The following SMN2 variants were observed in gnomAD, a reference collection of about 807,000 sequenced individuals.
SMN2 encodes survival of motor neuron 2, centromeric, also known as survival motor neuron protein.
Under a neutral mutation model 2.8 loss-of-function variants are expected in SMN2, and 1 was observed. The ratio of observed to expected loss-of-function variants is 0.35; its 90% CI spans 0.13 to 1.68. The LOEUF is 1.68. SMN2 is among the 40% of genes most tolerant of loss of function. The probability of loss-of-function intolerance (pLI) is 0.35; values close to 1 mark genes in which losing one functional copy is unlikely to be tolerated. For synonymous variants in SMN2, 5 were observed against 5.0 expected (o/e 0.99, Z 0.01); for missense variants, 12 against 16.9 (o/e 0.71, Z 0.51).
the SMN2 span, among the ~76,000 whole-genome samples, chr5:70,083,950 AATAAT>A: frequency 1.4e-4 from 16 of 118,180 alleles, 2 homozygotes; most frequent in Non-Finnish European, 2.5e-4. Context: ...CTTAAAGTAT[AATAAT>A]AAAATAAAAT....
the SMN2 span, among the ~76,000 whole-genome samples, chr5:70,084,709 A>C: frequency 7.2e-6 from 1 of 137,986 alleles, no homozygotes; most frequent in African/African-American, 3.0e-5. Context: ...AAGAACTTTT[A>C]ATTTTCTGTT....
chr5:70,052,881 CAAAAAAAA>C (rs1319873489), intron 1 of SMN2, among the ~76,000 whole-genome samples: 1 of 71,188 alleles, frequency 1.4e-5, no homozygotes, highest in African/African-American at 4.8e-5. Flanking sequence ...GACTCTGCCT[CAAAAAAAA>C]AAAAAAAAAA....
chr5:70,084,247 C>T, the SMN2 span, among the ~76,000 whole-genome samples: 1 of 64,996 alleles, frequency 1.5e-5, no homozygotes, highest in Non-Finnish European at 2.7e-5. Context: ...AGTGCAATGG[C>T]GTGATCTCAG....
downstream of SMN2, among the ~76,000 whole-genome samples, chr5:70,079,250 T>C (rs1774815586): frequency 7.3e-6 from 1 of 137,684 alleles, no homozygotes; most frequent in Non-Finnish European, 1.5e-5. Context: ...CTGGCCAACA[T>C]AGTAAAACCC....
At chr5:70,083,788 T>C in the SMN2 span, among the ~76,000 whole-genome samples, 1 of 129,106 alleles carries the variant, frequency 7.7e-6, no homozygotes, top group South Asian at 2.4e-4. Context: ...AACATCACAC[T>C]CTTGGGACTG....
rs1436218532 is a variant in SMN2 at position 70,052,120 on chromosome 5, G to A, written c.81+2354G>A. Among the ~76,000 whole-genome samples, 3 of 109,484 alleles carry A rather than the reference G, an allele frequency of 2.7e-5. No homozygotes were observed. The East Asian group carries it at 7.2e-4, about 26-fold the overall frequency. The allele number at this position is 109,484 out of a possible 152,430, so 71.8% of individuals were successfully genotyped here. On this transcript the variant is annotated intron_variant, in intron 1 of 8. Coordinates refer to ENST00000380743, the MANE Select transcript of SMN2 (RefSeq NM_017411.4). The stretch of plus-strand genomic sequence containing the variant: ...GCAGGAGTATCCCTTGGACCCAGGA[G>A]GTGGAGGTTGCAGTGAGCCGAGATC...
At chr5:70,079,162 G>GCAGC (rs1774813484), downstream of SMN2, among the ~76,000 whole-genome samples, 1 of 120,020 alleles carries the variant, frequency 8.3e-6, no homozygotes, top group East Asian at 2.1e-4. Context: ...GCTGGGCGCG[G>GCAGC]CAGCTCACAC....
downstream of SMN2, among the ~76,000 whole-genome samples, chr5:70,080,332 G>GA (rs1192914757): frequency 2.3e-5 from 3 of 130,158 alleles, no homozygotes; most frequent in Admixed American, 7.9e-5. Context: ...GTCTCAAAAA[G>GA]AAAAAAAGTA....
In SMN2 at chr5:70,076,863, A is replaced by G. The variant is rs532921933; in HGVS notation, c.*4-156A>G. ...ATTTTATATCACTAGTAGGCAGACC[A>G]GCAGACTTTTTTTTATTGTGATATG... On this transcript the variant is annotated intron_variant, in intron 8 of 8. Transcript: ENST00000380743. 2.4e-5 allele frequency: 26 copies of G among 1,090,212 alleles called. 4 individuals carry two copies. In the South Asian group the frequency reaches 4.5e-4, roughly 19 times the overall value. 67.5% of individuals were successfully genotyped at this position (1,090,212 alleles called of 1,614,324 possible).
At chr5:70,088,424 C>G in the SMN2 span, among the ~76,000 whole-genome samples, 1 of 36,642 alleles carries the variant, frequency 2.7e-5, no homozygotes, top group East Asian at 1.1e-3. Flanking sequence ...AAGTTTCAAA[C>G]TTTTTTTTTT....
chr5:70,076,728 ACT>A, intron 8 of SMN2, 154 bp downstream of exon 8: 2 of 1,218,998 alleles, frequency 1.6e-6, no homozygotes, highest in Non-Finnish European at 2.2e-6. Context: ...TGATGCCAAA[ACT>A]ATTAGATAAA....
At chr5:70,076,427 CA>C in intron 7 of SMN2, 93 bp from the exon 8 acceptor site, 1 of 669,278 alleles carries the variant, frequency 1.5e-6, no homozygotes, top group Non-Finnish European at 2.4e-6. Flanking sequence ...TCTTGTGAAA[CA>C]AAATGCTTTT....
At chr5:70,074,809 A>G (rs1398674213) in intron 7 of SMN2, among the ~76,000 whole-genome samples, 2 of 122,824 alleles carry the variant, frequency 1.6e-5, no homozygotes, top group Non-Finnish European at 3.4e-5. Context: ...CCTGACCAAC[A>G]TGGAGAAACC....
At chr5:70,079,876 TC>T (rs1166295797), downstream of SMN2, among the ~76,000 whole-genome samples, 12 of 90,050 alleles carry the variant, frequency 1.3e-4, no homozygotes, top group African/African-American at 6.6e-4. Context: ...GGTCTCGAGT[TC>T]CTGGGTTCAA....
chr5:70,084,362 T>G, the SMN2 span, among the ~76,000 whole-genome samples: 1 of 105,284 alleles, frequency 9.5e-6, no homozygotes, highest in Non-Finnish European at 1.8e-5. Flanking sequence ...AATTTTTGTA[T>G]TTTTTTAGTA....
At chr5:70,079,333 G>A (rs1774817445), downstream of SMN2, among the ~76,000 whole-genome samples, 2 of 145,414 alleles carry the variant, frequency 1.4e-5, no homozygotes, top group African/African-American at 5.5e-5. Flanking sequence ...TTGGGAGGCT[G>A]AGGCAGGAGA....
intron 1 of SMN2, among the ~76,000 whole-genome samples, chr5:70,052,177 T>G (rs1774454268): frequency 7.5e-6 from 1 of 133,094 alleles, no homozygotes; most frequent in African/African-American, 2.6e-5. Flanking sequence ...GACGATATAG[T>G]GAGACTTCAC....
chr5:70,079,324 T>C (rs1250160811), downstream of SMN2, among the ~76,000 whole-genome samples: 1 of 142,430 alleles, frequency 7.0e-6, no homozygotes, highest in Admixed American at 6.9e-5. Context: ...CCCAGCTACT[T>C]GGGAGGCTGA....
At chr5:70,074,952 A>G (rs558069404) in intron 7 of SMN2, among the ~76,000 whole-genome samples, 2,356 of 126,236 alleles carry the variant, frequency 0.019, 448 homozygotes, top group African/African-American at 0.07. Context: ...AGATTGCACC[A>G]TTGCACTCCA....
Sources: allele counts gnomAD v4.1 joint callset (sites outside exome capture counted in the v4.1 genomes callset), GRCh38; gene constraint gnomAD v4.1.1; transcripts MANE v1.5; gene names NCBI Gene and HGNC (gene_info 2026-07-23, HGNC 2026-07-21).